NLGN1: variants seen among roughly 807,000 people sequenced by gnomAD.
NLGN1 encodes neuroligin-1.
Under a neutral mutation model 65.5 loss-of-function variants are expected in NLGN1, and 12 were observed. The observed-to-expected ratio is 0.18, with a 90% CI of 0.12 to 0.30. The LOEUF is 0.30. Ranked by LOEUF, NLGN1 falls within the 10% of genes least tolerant of loss-of-function variation. NLGN1 has a pLI of 1.00. For synonymous variants in NLGN1, 350 were observed against 359.5 expected (o/e 0.97, Z 0.30); for missense variants, 750 against 1,007.1 (o/e 0.74, Z 3.46).
chr3:173,932,892 C>T (rs1744368323), intron 4 of NLGN1, among the ~76,000 whole-genome samples: 1 of 152,096 alleles, frequency 6.6e-6, no homozygotes, highest in Non-Finnish European at 1.5e-5. Flanking sequence ...TAGCTTAGCT[C>T]ATGTGTAAGT....
Position 173,734,381 on chromosome 3 carries a change from A to ATT in NLGN1, c.494-73268_494-73267dup, listed in dbSNP as rs71162356. 5.7e-3 allele frequency among the ~76,000 whole-genome samples: 229 copies of ATT among 40,088 alleles called. 15 individuals are homozygous for ATT. Among genetic ancestry groups the ATT allele is most frequent in the African/African-American group, 0.017 (157 of 9,136 alleles). 26.3% of individuals were successfully genotyped at this position (40,088 alleles called of 152,430 possible). On this transcript the variant is annotated intron_variant, in intron 3 of 6. Coordinates refer to ENST00000457714, the Ensembl canonical transcript of NLGN1. ...ATAATTAGATTCTGTGGATAATTCT[A>ATT]TTTTTTTTTTTTTTTTTTTTTTTTT...
intron 4 of NLGN1, among the ~76,000 whole-genome samples, chr3:173,985,715 G>A (rs768229042): frequency 1.2e-4 from 18 of 151,794 alleles, no homozygotes; most frequent in African/African-American, 3.1e-4. Flanking sequence ...TTTGGGAGGC[G>A]CAAGCGGGTG....
At chr3:173,874,237 G>A (rs1731712444) in intron 4 of NLGN1, among the ~76,000 whole-genome samples, 1 of 152,172 alleles carries the variant, frequency 6.6e-6, no homozygotes, top group South Asian at 2.1e-4. Context: ...CATCCTGGAG[G>A]ATGACTGGGC....
At chr3:174,269,906 T>A (rs1435560690) in intron 4 of NLGN1, among the ~76,000 whole-genome samples, 1 of 151,980 alleles carries the variant, frequency 6.6e-6, no homozygotes, top group Non-Finnish European at 1.5e-5. Flanking sequence ...TGATTTGCAT[T>A]TTTTAATGAT....
intron 3 of NLGN1, among the ~76,000 whole-genome samples, chr3:173,766,847 A>T (rs1361985100): frequency 3.9e-5 from 6 of 152,226 alleles, no homozygotes; most frequent in African/African-American, 1.4e-4. Flanking sequence ...AAAGAATTTT[A>T]TGGCTGTCAT....
chr3:174,179,346 G>A lies in NLGN1; in HGVS notation c.647-95969G>A, dbSNP rs533770239. Among the ~76,000 whole-genome samples, 112 of 152,154 alleles carry A rather than the reference G, an allele frequency of 7.4e-4. No individual in the cohort carries two copies. The South Asian group carries it at 0.012, about 16-fold the overall frequency. On this transcript the variant is annotated intron_variant, in intron 4 of 6. Transcript: ENST00000457714. ...AGTAGTTGAAGAAAAGAGTAGATAG[G>A]TAAAGTTGAATATGTGTGTTTGAGA...
chr3:174,077,342 A>G (rs1741219287), intron 4 of NLGN1, among the ~76,000 whole-genome samples: 1 of 152,178 alleles, frequency 6.6e-6, no homozygotes, highest in South Asian at 2.1e-4. Flanking sequence ...AGTTTAATGC[A>G]CTACTAGAAC....
chr3:173,438,703 A>G (rs932568537), intron 2 of NLGN1, among the ~76,000 whole-genome samples: 2 of 152,150 alleles, frequency 1.3e-5, no homozygotes, highest in Non-Finnish European at 2.9e-5. Flanking sequence ...CACACGTTTC[A>G]AAATGGGATT....
intron 4 of NLGN1, among the ~76,000 whole-genome samples, chr3:174,240,349 T>G (rs568760802): frequency 2.0e-4 from 31 of 152,126 alleles, no homozygotes; most frequent in African/African-American, 7.2e-4. Flanking sequence ...AGATATAAAA[T>G]TGGAATATAA....
At chr3:173,627,991 A>G (rs1755075335) in intron 3 of NLGN1, among the ~76,000 whole-genome samples, 1 of 151,682 alleles carries the variant, frequency 6.6e-6, no homozygotes, top group Non-Finnish European at 1.5e-5. Flanking sequence ...TCTCCTTTGT[A>G]TTTTTATCTT....
chr3:173,618,983 A>C (rs530663320), intron 3 of NLGN1, among the ~76,000 whole-genome samples: 1 of 152,242 alleles, frequency 6.6e-6, no homozygotes, highest in African/African-American at 2.4e-5. Flanking sequence ...CTGAGCTCAG[A>C]ATGGCCTCAC....
At chr3:173,451,237 T>C (rs1242765537) in intron 2 of NLGN1, among the ~76,000 whole-genome samples, 1 of 152,332 alleles carries the variant, frequency 6.6e-6, no homozygotes, top group East Asian at 1.9e-4. Flanking sequence ...GATGGGTTTT[T>C]GGTGTGGATG....
Position 173,895,079 on chromosome 3 carries a change from G to T in NLGN1, c.646+87247G>T, listed in dbSNP as rs75158731. Among the ~76,000 whole-genome samples, 163 of 152,220 alleles carry T rather than the reference G, an allele frequency of 1.1e-3. 2 individuals carry two copies. In the East Asian group the frequency reaches 0.025, roughly 23 times the overall value. On this transcript the variant is annotated intron_variant, in intron 4 of 6. Transcript: ENST00000457714. The stretch of plus-strand genomic sequence containing the variant: ...TTCCTTGCTTTTTTGGTGCCGGGAG[G>T]GGGGGAGTTGTTGATCTAATAATTC...
chr3:173,663,170 T>C (rs1375093586), intron 3 of NLGN1, among the ~76,000 whole-genome samples: 2 of 152,028 alleles, frequency 1.3e-5, no homozygotes, highest in Non-Finnish European at 2.9e-5. Flanking sequence ...GACAACTTCT[T>C]TCTCATTTCT....
intron 4 of NLGN1, among the ~76,000 whole-genome samples, chr3:174,229,285 A>G (rs975616665): frequency 6.6e-6 from 1 of 152,148 alleles, no homozygotes; most frequent in African/African-American, 2.4e-5. Context: ...TGAATCTGTC[A>G]TTTAACTAGT....
exon 7 of NLGN1, chr3:174,284,303 C>T (rs1751878624): frequency 1.3e-5 from 2 of 151,030 alleles, no homozygotes; most frequent in Non-Finnish European, 3.0e-5. Context: ...CCACATTATA[C>T]AGAACATTAA....
intron 3 of NLGN1, among the ~76,000 whole-genome samples, chr3:173,735,779 T>C (rs1025103985): frequency 6.6e-6 from 1 of 152,166 alleles, no homozygotes; most frequent in Non-Finnish European, 1.5e-5. Flanking sequence ...CTTGTCACTC[T>C]TAGGGCCAAA....
chr3:173,688,826 T>C (rs1304563065), intron 3 of NLGN1, among the ~76,000 whole-genome samples: 1 of 152,166 alleles, frequency 6.6e-6, no homozygotes, highest in Non-Finnish European at 1.5e-5. Flanking sequence ...TGCTAATTTC[T>C]AAAAAAATAC....
intron 4 of NLGN1, among the ~76,000 whole-genome samples, chr3:173,895,887 G>A (rs1400342030): frequency 1.3e-5 from 2 of 151,852 alleles, no homozygotes; most frequent in Non-Finnish European, 2.9e-5. Flanking sequence ...GATGGGTTTT[G>A]CCGTGTTGGT....
Sources: allele counts gnomAD v4.1 joint callset (sites outside exome capture counted in the v4.1 genomes callset), GRCh38; gene constraint gnomAD v4.1.1; transcripts MANE v1.5; gene names NCBI Gene and HGNC (gene_info 2026-07-23, HGNC 2026-07-21).